KIF20B: variants seen among roughly 807,000 people sequenced by gnomAD.
The protein encoded by KIF20B is kinesin-like protein KIF20B.
Under a neutral mutation model 232.5 loss-of-function variants are expected in KIF20B, and 188 were observed. The ratio of observed to expected loss-of-function variants is 0.81; its 90% CI spans 0.72 to 0.91. The LOEUF (loss-of-function observed/expected upper bound fraction) is 0.91, where lower values mean the gene tolerates loss of function less well. KIF20B is among the 40% of genes least tolerant of loss of function. The probability of loss-of-function intolerance (pLI) is 0.00; values close to 1 mark genes in which losing one functional copy is unlikely to be tolerated. For missense variants in KIF20B, 2,154 were observed against 2,055.9 expected, an observed-to-expected ratio of 1.05 and a Z score of -0.92; for synonymous variants, 712 against 683.0, an observed-to-expected ratio of 1.04 and a Z score of -0.66.
chr10:89,702,752 C>T (rs1842638096), intron 1 of KIF20B, among the ~76,000 whole-genome samples: 1 of 125,836 alleles, frequency 7.9e-6, no homozygotes, highest in Non-Finnish European at 1.6e-5. Flanking sequence ...AGACTAGGAC[C>T]GACTTTTTTT....
At chr10:89,741,972 T>TG (rs1471496569) in intron 21 of KIF20B, among the ~76,000 whole-genome samples, 1 of 152,198 alleles carries the variant, frequency 6.6e-6, no homozygotes, top group African/African-American at 2.4e-5. Flanking sequence ...AAAGTAGTGA[T>TG]GCTGGCAATT....
At chr10:89,740,866 A>G (rs570374713) in intron 21 of KIF20B, among the ~76,000 whole-genome samples, 2 of 152,196 alleles carry the variant, frequency 1.3e-5, no homozygotes, top group East Asian at 3.9e-4. Flanking sequence ...TTTTATTGCT[A>G]CTTATAGAGG....
chr10:89,709,589 A>C, intron 4 of KIF20B, 128 bp downstream of exon 4: 1 of 618,090 alleles, frequency 1.6e-6, no homozygotes, highest in Non-Finnish European at 2.8e-6. Context: ...TAAGGATAAG[A>C]CTCAAATCTC....
chr10:89,707,253 G>C (rs1317234614), intron 2 of KIF20B, among the ~76,000 whole-genome samples: 1 of 152,140 alleles, frequency 6.6e-6, no homozygotes, highest in African/African-American at 2.4e-5. Flanking sequence ...ATACACTTAT[G>C]TAACTGTCAC....
At chr10:89,745,532 C>CAAACAAAT (rs1554852112) in intron 22 of KIF20B, among the ~76,000 whole-genome samples, 7 of 151,994 alleles carry the variant, frequency 4.6e-5, no homozygotes, top group Admixed American at 2.6e-4. Flanking sequence ...CAAAAACAAA[C>CAAACAAAT]AAATAAATAA....
At chr10:89,732,496 G>A (rs1241780011) in intron 18 of KIF20B, among the ~76,000 whole-genome samples, 4 of 134,146 alleles carry the variant, frequency 3.0e-5, no homozygotes, top group Non-Finnish European at 6.2e-5. Flanking sequence ...TAGAAGCTCA[G>A]TTTCAAAGCT....
chr10:89,735,825 A>T (rs1841639377), intron 19 of KIF20B, among the ~76,000 whole-genome samples: 1 of 152,190 alleles, frequency 6.6e-6, no homozygotes, highest in South Asian at 2.1e-4. Context: ...GGCGTGAGCC[A>T]CCGTGCCCGG....
chr10:89,736,638 T>G (rs767219238), intron 19 of KIF20B, among the ~76,000 whole-genome samples: 1 of 152,190 alleles, frequency 6.6e-6, no homozygotes, highest in Non-Finnish European at 1.5e-5. Flanking sequence ...ATATACATAT[T>G]AAGCCTGAAA....
chr10:89,709,360 C>T lies in KIF20B; in HGVS notation c.250C>T (p.Leu84=). Residue 84 remains leucine (L), a synonymous_variant, in exon 4 of 33, where the codon CTG becomes TTG. Transcript: ENST00000371728. Reference sequence around the variant, plus strand: ...TGTTTTCTAGGGCTGTGTGCATATTCTGGATTCACAGACTGTTGTGCTGAA... The same window carrying T: ...TGTTTTCTAGGGCTGTGTGCATATTTTGGATTCACAGACTGTTGTGCTGAA... ...ELESEGCVHI[L]DSQTVVLKEP... 1 of 1,612,818 alleles carries T rather than the reference C, an allele frequency of 6.2e-7. No individual in the cohort carries two copies. Among genetic ancestry groups the T allele is most frequent in the South Asian group, 1.1e-5 (1 of 90,838 alleles).
chr10:89,737,540 A>G lies in KIF20B; in HGVS notation c.2699A>G (p.Asn900Ser). 4 of 1,608,368 alleles carry G rather than the reference A, an allele frequency of 2.5e-6. No individual in the cohort carries two copies. The highest frequency in any genetic ancestry group is 3.4e-6 in the Non-Finnish European group (4 of 1,177,616). The change falls in exon 20 of 33, where the codon AAT becomes AGT. Residue 900 changes from asparagine (N) to serine (S), a missense_variant. Physicochemically the swap from Asn to Ser is conservative, Grantham distance 46. Coordinates refer to ENST00000371728, the MANE Select transcript of KIF20B (RefSeq NM_001284259.2). ...FLLTIENELK[N>S]EKEEKAELNK... ...CTCACTATTGAGAATGAACTTAAAA[A>G]TGAAAAGGAAGAAAAAGCAGAATTA... is the stretch of plus-strand genomic sequence containing the variant.
At chr10:89,744,912 T>TGGGGG (rs1841878556) in intron 22 of KIF20B, among the ~76,000 whole-genome samples, 2 of 152,178 alleles carry the variant, frequency 1.3e-5, no homozygotes, top group Non-Finnish European at 2.9e-5. Context: ...TTAGATGAGA[T>TGGGGG]TGGGGGTGAA....
intron 23 of KIF20B, among the ~76,000 whole-genome samples, chr10:89,748,640 A>G (rs563408646): frequency 6.6e-6 from 1 of 152,218 alleles, no homozygotes; most frequent in Non-Finnish European, 1.5e-5. Flanking sequence ...TGTCACCCTA[A>G]CATCTCCTAT....
At chr10:89,730,791 T>G (rs1216213340) in intron 18 of KIF20B, among the ~76,000 whole-genome samples, 2 of 152,074 alleles carry the variant, frequency 1.3e-5, no homozygotes, top group African/African-American at 4.8e-5. Context: ...TTAAAGAGTT[T>G]GGGGAGTCAG....
chr10:89,725,080 C>G lies in KIF20B; in HGVS notation c.1923C>G (p.Ile641Met). The G allele has an allele frequency of 3.1e-6, 5 of 1,613,898 alleles. No homozygotes were observed. Among genetic ancestry groups the G allele is most frequent in the Non-Finnish European group, 4.2e-6 (5 of 1,179,876 alleles). The change falls in exon 15 of 33, where the codon ATC becomes ATG. Residue 641 changes from isoleucine to methionine, a missense_variant. Transcript: ENST00000371728. ...LEENAERRLA[I>M]FKDLVGKCDT... ...AAAATGCTGAACGTCGTTTGGCTAT[C>G]TTCAAGGATTTGGTTGGTAAATGTG...
chr10:89,761,735 T>C (rs1039637497), intron 28 of KIF20B, among the ~76,000 whole-genome samples: 1 of 152,168 alleles, frequency 6.6e-6, no homozygotes, highest in African/African-American at 2.4e-5. Flanking sequence ...AAATCATAAA[T>C]TTCACAGAAA....
chr10:89,705,529 T>C (rs1398864100), intron 2 of KIF20B, 88 bp downstream of exon 2: 1 of 1,152,806 alleles, frequency 8.7e-7, no homozygotes, highest in Non-Finnish European at 1.2e-6. Context: ...GTATTACCTG[T>C]TTTTGTACTT....
chr10:89,714,849 T>A, intron 7 of KIF20B, 106 bp from the exon 8 acceptor site: 1 of 702,152 alleles, frequency 1.4e-6, no homozygotes, highest in East Asian at 2.8e-5. Flanking sequence ...GTCAAAAGAT[T>A]AAGCATACTT....
chr10:89,722,511 TACAAAAA>T (rs1843083135), intron 13 of KIF20B, among the ~76,000 whole-genome samples: 1 of 151,936 alleles, frequency 6.6e-6, no homozygotes, highest in South Asian at 2.1e-4. Context: ...CTACTAAAAA[TACAAAAA>T]ATTAGCCAGG....
At position 89,762,815 on chromosome 10, in the gene KIF20B, A is replaced by G; in HGVS notation, c.4969A>G (p.Lys1657Glu). The G allele has an allele frequency of 6.2e-7, 1 of 1,610,912 alleles. No homozygotes were observed. ...TVKIPKARKRKSNEMEEDLVK... is the reference protein window; with the variant it reads ...TVKIPKARKRESNEMEEDLVK... ...TAAGATTCCCAAGGCTCGGAAGAGG[A>G]AGAGTAATGAAATGGAGGAGGTAAA... The change falls in exon 29 of 33, where the codon AAG becomes GAG. Residue 1657 changes from lysine (K) to glutamate (E), a missense_variant. Lys to Glu is a moderately conservative substitution (Grantham distance 56). Transcript: ENST00000371728.
Sources: gnomAD v4.1 joint callset for allele counts (sites outside exome capture counted in the v4.1 genomes callset) on GRCh38, gnomAD v4.1.1 for gene constraint, MANE v1.5 for transcripts, NCBI Gene and HGNC (gene_info 2026-07-23, HGNC 2026-07-21) for gene names.